The following MDN1 variants were observed in gnomAD, a reference collection of about 807,000 sequenced individuals.
The protein encoded by MDN1 is midasin.
A neutral mutation model predicts 669.2 loss-of-function variants in MDN1; 266 were observed. The observed-to-expected ratio is 0.40, with a 90% CI of 0.36 to 0.44. The LOEUF (loss-of-function observed/expected upper bound fraction) is 0.44, where lower values mean the gene tolerates loss of function less well. Ranked by LOEUF, MDN1 falls within the 20% of genes least tolerant of loss-of-function variation. The pLI is 1.00. For missense variants in MDN1, 5,940 were observed against 6,754.0 expected (o/e 0.88, Z 4.22); for synonymous variants, 2,385 against 2,457.1 (o/e 0.97, Z 0.87).
chr6:89,680,529 C>T (rs1486529518), intron 74 of MDN1, 60 bp downstream of exon 74: 1 of 1,571,730 alleles, frequency 6.4e-7, no homozygotes, highest in South Asian at 1.2e-5. Context: ...CATTCTCAGC[C>T]CTCCTGCGCC....
Position 89,695,115 on chromosome 6 carries a change from C to T in MDN1, c.9771+490G>A, listed in dbSNP as rs1437482891. 6.6e-6 allele frequency among the ~76,000 whole-genome samples: 1 copy of T among 152,126 alleles called. No homozygotes were observed. Among genetic ancestry groups the T allele is most frequent in the African/African-American group, 2.4e-5 (1 of 41,428 alleles). On this transcript the variant is annotated intron_variant, in intron 61 of 101. Coordinates refer to ENST00000369393, the MANE Select transcript of MDN1 (RefSeq NM_014611.3). This position sits in a 1 kb window ranked among gnomAD's most constrained non-coding sequence, Gnocchi z 4.1. ...AGGCGTGGTAGCGGGTTCCTGTAAT[C>T]CCAGCTACTCGGGAGGCTGAGGCAG...
At chr6:89,753,489 T>C in intron 22 of MDN1, 23 bp downstream of exon 22, 3 of 1,551,748 alleles carry the variant, frequency 1.9e-6, no homozygotes, top group Non-Finnish European at 2.6e-6. Context: ...GTGTAACAAG[T>C]CAAAAATAAC....
At chr6:89,726,820 G>A (rs1300952817) in intron 37 of MDN1, among the ~76,000 whole-genome samples, 1 of 152,104 alleles carries the variant, frequency 6.6e-6, no homozygotes, top group Admixed American at 6.6e-5. Flanking sequence ...ATGCAAACAG[G>A]CAAAAATCAG....
chr6:89,722,851 A>C (rs1814934754), intron 40 of MDN1, 104 bp downstream of exon 40: 1 of 1,057,606 alleles, frequency 9.5e-7, no homozygotes, highest in Non-Finnish European at 1.3e-6. Context: ...AGTCTCAAAA[A>C]AAAAAAAAAA....
At chr6:89,656,450 G>C (rs1809306573) in intron 91 of MDN1, among the ~76,000 whole-genome samples, 1 of 152,132 alleles carries the variant, frequency 6.6e-6, no homozygotes, top group Non-Finnish European at 1.5e-5. Flanking sequence ...CACAGCACTT[G>C]GCTCTTAAGA....
At chr6:89,738,597 T>A in intron 32 of MDN1, 142 bp from the exon 33 acceptor site, 1 of 857,442 alleles carries the variant, frequency 1.2e-6, no homozygotes, top group Non-Finnish European at 1.8e-6. Context: ...CAGATATAAT[T>A]AATTGAAGAT....
chr6:89,807,571 T>G (rs1276958699), intron 1 of MDN1, among the ~76,000 whole-genome samples: 2 of 152,154 alleles, frequency 1.3e-5, no homozygotes, highest in Non-Finnish European at 2.9e-5. Context: ...GGTTTTGTGT[T>G]TATCAGATTT....
chr6:89,688,003 C>T, intron 67 of MDN1, 75 bp downstream of exon 67: 4 of 1,287,696 alleles, frequency 3.1e-6, no homozygotes, highest in East Asian at 2.3e-5. Context: ...TTCTGTCTAA[C>T]AACAAAGGTG....
chr6:89,786,560 T>G (rs1264051684), intron 8 of MDN1, among the ~76,000 whole-genome samples: 1 of 152,096 alleles, frequency 6.6e-6, no homozygotes, highest in East Asian at 1.9e-4. Context: ...TAAGCTACGA[T>G]CAAGCCACTG....
In MDN1 at chr6:89,692,692, G is replaced by T. The variant is rs536320058; in HGVS notation, c.10338C>A (p.Gly3446=). ...GAGCATAGTAAGTCGGGAAGGTGGG[G>T]CCCACCGATGGGAAAGCCAGCAAGG... The part of the protein sequence containing the change: ...ATALLAFPSV[G]PTFPTYYAHA... Residue 3446 remains glycine, a synonymous_variant, in exon 63 of 102, where the codon GGC becomes GGA. Coordinates refer to ENST00000369393, the MANE Select transcript of MDN1 (RefSeq NM_014611.3). 9 of 1,614,208 alleles carry T rather than the reference G, an allele frequency of 5.6e-6. No individual in the cohort carries two copies. The highest frequency in any genetic ancestry group is 1.6e-4 in the Middle Eastern group (1 of 6,062).
intron 19 of MDN1, among the ~76,000 whole-genome samples, chr6:89,756,939 C>CA (rs1394411379): frequency 3.3e-5 from 5 of 150,482 alleles, no homozygotes; most frequent in African/African-American, 1.2e-4. Flanking sequence ...AAAAAAGATA[C>CA]AAAAATAAGA....
intron 49 of MDN1, among the ~76,000 whole-genome samples, chr6:89,711,559 G>A (rs1813924508): frequency 6.6e-6 from 1 of 152,014 alleles, no homozygotes; most frequent in African/African-American, 2.4e-5. Context: ...CTGGGTGGGG[G>A]AGGGAGAGTC....
chr6:89,691,526 T>C lies in MDN1; in HGVS notation c.10588-692A>G, dbSNP rs1217140016. Among the ~76,000 whole-genome samples, 3 of 152,194 alleles carry C rather than the reference T, an allele frequency of 2.0e-5. No homozygotes were observed. The South Asian group carries it at 6.2e-4, about 31-fold the overall frequency. On this transcript the variant is annotated intron_variant, in intron 63 of 101. Transcript: ENST00000369393. ...AGCTGTGAGACTATTTACTGTGGCA[T>C]TGGGTTGGTTTTTGTTTTTTTTTGT...
At position 89,713,249 on chromosome 6, in the gene MDN1, T is replaced by G. The variant is rs1300601777; in HGVS notation, c.7117A>C (p.Ile2373Leu). 1 of 1,613,942 alleles carries G rather than the reference T, an allele frequency of 6.2e-7. No individual in the cohort carries two copies. The highest frequency in any genetic ancestry group is 2.2e-5 in the East Asian group (1 of 44,872). The change falls in exon 47 of 102, where the codon ATT (isoleucine) becomes CTT (leucine). Residue 2373 changes from isoleucine (I) to leucine (L), a missense_variant. Physicochemically the swap from Ile to Leu is conservative, Grantham distance 5. Transcript: ENST00000369393. ...VSTLIQTAILIVQYLQRGLSL... is the reference protein window; with the variant it reads ...VSTLIQTAILLVQYLQRGLSL... ...AGCCCTCGCTGCAGGTACTGGACAA[T>G]TAGTATGGCTGTCTGGATTAGAGTT...
intron 2 of MDN1, among the ~76,000 whole-genome samples, chr6:89,801,941 AAC>A (rs1319706335): frequency 1.3e-5 from 2 of 152,070 alleles, no homozygotes; most frequent in South Asian, 2.1e-4. Flanking sequence ...CAGCCTGGGC[AAC>A]AGAGTGAGAC....
Position 89,745,366 on chromosome 6 carries a change from T to C in MDN1, c.4085A>G (p.His1362Arg). ...QISTLECNFG[H>R]IVWTEGMRRL... ...CCGCATGCCCTCAGTCCACACGATA[T>C]GGCCAAAGTTACACTCCAATGTGGA... The change falls in exon 29 of 102, where the codon CAT becomes CGT. Residue 1362 changes from histidine to arginine, a missense_variant. Physicochemically the swap from His to Arg is conservative, Grantham distance 29. Coordinates refer to ENST00000369393, the MANE Select transcript of MDN1 (RefSeq NM_014611.3). 6.2e-7 allele frequency: 1 copy of C among 1,614,086 alleles called. No homozygotes were observed. The highest frequency in any genetic ancestry group is 2.2e-5 in the East Asian group (1 of 44,870).
At chr6:89,764,985 G>A (rs1312659745) in intron 15 of MDN1, among the ~76,000 whole-genome samples, 8 of 152,176 alleles carry the variant, frequency 5.3e-5, no homozygotes, top group Admixed American at 1.3e-4. Context: ...TGGGCTGGGC[G>A]CGGTGGCTCA....
intron 47 of MDN1, 36 bp downstream of exon 47, chr6:89,713,112 T>C: frequency 6.3e-7 from 1 of 1,595,968 alleles, no homozygotes; most frequent in Non-Finnish European, 8.5e-7. Context: ...TGTAGGGTAT[T>C]ACAACTTAGA....
At chr6:89,751,319 T>G in intron 23 of MDN1, 112 bp downstream of exon 23, 1 of 1,306,120 alleles carries the variant, frequency 7.7e-7, no homozygotes, top group Non-Finnish European at 1.0e-6. Context: ...AATTGTTCAG[T>G]TGGCCAATGA....
Sources: gnomAD v4.1 joint callset for allele counts (sites outside exome capture counted in the v4.1 genomes callset) on GRCh38, gnomAD v4.1.1 for gene constraint, Gnocchi (gnomAD v3.1) non-coding constraint, MANE v1.5 for transcripts, NCBI Gene and HGNC (gene_info 2026-07-23, HGNC 2026-07-21) for gene names.